Variants in ASIC2 observed in about 807,000 individuals in gnomAD.
The protein encoded by ASIC2 is acid sensing ion channel subunit 2, also known as acid-sensing ion channel 2.
Under a neutral mutation model 57.3 loss-of-function variants are expected in ASIC2, and 25 were observed. That is an observed-to-expected ratio of 0.44 (90% confidence interval 0.32 to 0.61). ASIC2 has a LOEUF of 0.61. ASIC2 is among the 20% of genes least tolerant of loss of function. The pLI, the probability that ASIC2 is intolerant of heterozygous loss-of-function variation, is 0.06. For missense variants in ASIC2, 641 were observed against 738.1 expected (o/e 0.87, Z 1.52); for synonymous variants, 319 against 307.5 (o/e 1.04, Z -0.39).
intron 1 of ASIC2, among the ~76,000 whole-genome samples, chr17:33,305,542 A>G (rs949156775): frequency 6.6e-6 from 1 of 152,250 alleles, no homozygotes; most frequent in Non-Finnish European, 1.5e-5. Context: ...CAAAACAACT[A>G]AAAAACATAA....
At chr17:33,359,905 G>A (rs1259465111) in intron 1 of ASIC2, among the ~76,000 whole-genome samples, 4 of 152,146 alleles carry the variant, frequency 2.6e-5, no homozygotes, top group African/African-American at 9.7e-5. Context: ...CAGCCATGAA[G>A]CAGTCTTTGG....
intron 1 of ASIC2, among the ~76,000 whole-genome samples, chr17:33,795,295 C>T (rs1176091854): frequency 1.3e-5 from 2 of 152,260 alleles, no homozygotes; most frequent in Non-Finnish European, 2.9e-5. Context: ...CCCAGCCCTT[C>T]CCTTGGATTA....
chr17:34,050,972 G>A (rs560448806), intron 1 of ASIC2, among the ~76,000 whole-genome samples: 3 of 152,284 alleles, frequency 2.0e-5, no homozygotes, highest in South Asian at 2.1e-4. Context: ...ATTGAGGCTT[G>A]CAGATAGGTG....
intron 1 of ASIC2, among the ~76,000 whole-genome samples, chr17:33,960,475 G>C (rs1432531578): frequency 6.6e-6 from 1 of 152,156 alleles, no homozygotes; most frequent in Non-Finnish European, 1.5e-5. Context: ...GATTGATCCT[G>C]GACCATTACA....
chr17:33,361,930 C>A, intron 1 of ASIC2, among the ~76,000 whole-genome samples: 1 of 152,332 alleles, frequency 6.6e-6, no homozygotes, highest in South Asian at 2.1e-4. Flanking sequence ...CCTTGACCTT[C>A]GCTTGGTTTT....
rs1317185599 is a variant in ASIC2, at chr17:33,999,088, A to T, written c.555+156890T>A. On this transcript the variant is annotated intron_variant, in intron 1 of 9. Coordinates refer to the ASIC2 transcript ENST00000359872. ...TATAATTGCTATATACTCTTGATTA[A>T]TTGACCCCCTTATCAGTATGTAATG... Among the ~76,000 whole-genome samples, 7 of 152,142 alleles carry T rather than the reference A, an allele frequency of 4.6e-5. No homozygotes were observed. The East Asian group carries it at 1.3e-3, about 29-fold the overall frequency.
chr17:33,845,297 C>T (rs1475924319), intron 1 of ASIC2, among the ~76,000 whole-genome samples: 1 of 152,100 alleles, frequency 6.6e-6, no homozygotes, highest in Non-Finnish European at 1.5e-5. Flanking sequence ...AACGTACCTC[C>T]AAATTTATCA....
intron 1 of ASIC2, among the ~76,000 whole-genome samples, chr17:34,146,045 G>A (rs113971364): frequency 9.8e-5 from 15 of 152,322 alleles, no homozygotes; most frequent in Middle Eastern, 3.4e-3. Flanking sequence ...TGAGAGTCAC[G>A]TAACAGCTGG....
At chr17:33,345,809 G>T (rs1320167504) in intron 1 of ASIC2, among the ~76,000 whole-genome samples, 1 of 152,148 alleles carries the variant, frequency 6.6e-6, no homozygotes, top group South Asian at 2.1e-4. Context: ...GATCTCTTGG[G>T]TGCTTGCATG....
intron 1 of ASIC2, among the ~76,000 whole-genome samples, chr17:33,886,990 G>C (rs1914845080): frequency 6.6e-6 from 1 of 152,020 alleles, no homozygotes; most frequent in African/African-American, 2.4e-5. Flanking sequence ...TTCCCATCTT[G>C]ACTTGGAATC....
chr17:33,669,570 CT>C (rs1195910477), intron 1 of ASIC2, among the ~76,000 whole-genome samples: 1 of 152,178 alleles, frequency 6.6e-6, no homozygotes, highest in Non-Finnish European at 1.5e-5. Context: ...TTTAGCATTT[CT>C]GAGGTCTCTC....
intron 1 of ASIC2, among the ~76,000 whole-genome samples, chr17:33,962,839 C>A (rs1348038497): frequency 6.6e-6 from 1 of 152,176 alleles, no homozygotes; most frequent in African/African-American, 2.4e-5. Flanking sequence ...TGTCATGTCT[C>A]CCAGCCCAAA....
chr17:33,893,330 C>T lies in ASIC2; in HGVS notation c.555+262648G>A, dbSNP rs185467188. On this transcript the variant is annotated intron_variant, in intron 1 of 9. Coordinates refer to the ASIC2 transcript ENST00000359872. ...ATGAGGAGCTGTAATGAGTAACACA[C>T]TTTGGGCCCTGAGCCTGGAGTTCTA... Among the ~76,000 whole-genome samples, 95 of 152,284 alleles carry T rather than the reference C, an allele frequency of 6.2e-4. 2 individuals carry two copies. The highest frequency in any genetic ancestry group is 7.4e-5 in the Non-Finnish European group (5 of 68,026).
chr17:33,965,127 T>C (rs9910498), intron 1 of ASIC2, among the ~76,000 whole-genome samples: 3,446 of 152,302 alleles, frequency 0.023, 127 homozygotes, highest in African/African-American at 0.078. Flanking sequence ...GAGACGGCTC[T>C]TATTGAATGC....
At chr17:33,772,964 G>T (rs1911160176) in intron 1 of ASIC2, among the ~76,000 whole-genome samples, 1 of 152,184 alleles carries the variant, frequency 6.6e-6, no homozygotes, top group Non-Finnish European at 1.5e-5. Flanking sequence ...TGTTTAGCGT[G>T]GTACCTGGCA....
intron 1 of ASIC2, among the ~76,000 whole-genome samples, chr17:33,907,073 T>C (rs930407924): frequency 4.6e-5 from 7 of 152,094 alleles, no homozygotes; most frequent in African/African-American, 9.7e-5. Context: ...AGGTAAATCC[T>C]TGGGAGAGGG....
At chr17:33,931,223 T>C (rs192542809) in intron 1 of ASIC2, 75 of 152,292 alleles carry the variant, frequency 4.9e-4, no homozygotes, top group African/African-American at 1.7e-3. Flanking sequence ...CTGTCCCTTT[T>C]AAGGGCTTAC....
At chr17:33,647,155 C>T (rs1482136837) in intron 1 of ASIC2, among the ~76,000 whole-genome samples, 7 of 152,146 alleles carry the variant, frequency 4.6e-5, no homozygotes, top group Non-Finnish European at 7.3e-5. Context: ...TGGAAAGCAC[C>T]TGCCTGGGGT....
At chr17:33,954,236 C>T (rs1277651465) in intron 1 of ASIC2, among the ~76,000 whole-genome samples, 1 of 152,166 alleles carries the variant, frequency 6.6e-6, no homozygotes, top group East Asian at 1.9e-4. Flanking sequence ...AAAACCGTGC[C>T]CCAGCCCTGA....
Sources: allele counts gnomAD v4.1 joint callset (sites outside exome capture counted in the v4.1 genomes callset), GRCh38; gene constraint gnomAD v4.1.1; transcripts MANE v1.5; gene names NCBI Gene and HGNC (gene_info 2026-07-23, HGNC 2026-07-21).